SLC8A1: variants seen among roughly 807,000 people sequenced by gnomAD.
SLC8A1 encodes solute carrier family 8 member A1, also known as sodium/calcium exchanger 1.
SLC8A1 carries 18 observed loss-of-function variants against 68.3 expected under a neutral mutation model. The observed-to-expected ratio is 0.26, with a 90% CI of 0.18 to 0.39. SLC8A1 has a LOEUF of 0.39. SLC8A1 is among the 10% of genes least tolerant of loss of function. The pLI, the probability that SLC8A1 is intolerant of heterozygous loss-of-function variation, is 1.00. For synonymous variants in SLC8A1, 475 were observed against 415.5 expected (o/e 1.14, Z -1.74); for missense variants, 985 against 1,156.7 (o/e 0.85, Z 2.15).
chr2:40,306,014 T>C (rs767317069), intron 2 of SLC8A1, among the ~76,000 whole-genome samples: 29 of 152,318 alleles, frequency 1.9e-4, no homozygotes, highest in Non-Finnish European at 1.3e-4. Context: ...AGCAGCTGTT[T>C]CTTTTCCCTT....
chr2:40,487,749 G>T (rs1334382291), intron 1 of SLC8A1, among the ~76,000 whole-genome samples: 1 of 152,138 alleles, frequency 6.6e-6, no homozygotes, highest in African/African-American at 2.4e-5. Context: ...GAAGCCCATT[G>T]CGGAACCTGC....
intron 6 of SLC8A1, among the ~76,000 whole-genome samples, chr2:40,153,180 A>C (rs2043784628): frequency 6.6e-6 from 1 of 152,224 alleles, no homozygotes; most frequent in African/African-American, 2.4e-5. Flanking sequence ...TAGAACTCTA[A>C]ATTTCAAATA....
intron 1 of SLC8A1, among the ~76,000 whole-genome samples, chr2:40,479,507 TTCTC>T (rs1230784255): frequency 2.0e-5 from 3 of 152,180 alleles, no homozygotes; most frequent in Non-Finnish European, 2.9e-5. Flanking sequence ...GGATATTACT[TTCTC>T]TCTCAAGATA....
chr2:40,169,767 C>A (rs941197167), intron 4 of SLC8A1, among the ~76,000 whole-genome samples: 5 of 151,972 alleles, frequency 3.3e-5, no homozygotes, highest in African/African-American at 4.8e-5. Flanking sequence ...ATGGTGAGAC[C>A]CCGTCTCTAC....
intron 2 of SLC8A1, among the ~76,000 whole-genome samples, chr2:40,284,521 C>A (rs991053982): frequency 7.0e-6 from 1 of 143,032 alleles, no homozygotes; most frequent in Admixed American, 7.0e-5. Flanking sequence ...ATATAGACAA[C>A]AATATCTATA....
chr2:40,435,074 G>C (rs147715879), intron 1 of SLC8A1, among the ~76,000 whole-genome samples: 74 of 152,202 alleles, frequency 4.9e-4, no homozygotes, highest in African/African-American at 1.7e-3. Flanking sequence ...ATTCCTAACA[G>C]CCCAATATAT....
At chr2:40,271,155 G>C (rs908847794) in intron 2 of SLC8A1, among the ~76,000 whole-genome samples, 5 of 130,566 alleles carry the variant, frequency 3.8e-5, no homozygotes, top group Admixed American at 7.7e-5. Flanking sequence ...CTGTCACTTA[G>C]AACAAGACCC....
intron 2 of SLC8A1, among the ~76,000 whole-genome samples, chr2:40,218,290 T>A (rs1416421182): frequency 5.3e-5 from 8 of 152,198 alleles, no homozygotes; most frequent in Non-Finnish European, 1.2e-4. Context: ...GATAAACTCA[T>A]TACAAATTGC....
chr2:40,207,970 G>A (rs1004248110), intron 2 of SLC8A1, among the ~76,000 whole-genome samples: 2 of 151,956 alleles, frequency 1.3e-5, no homozygotes, highest in Admixed American at 1.3e-4. Flanking sequence ...GTAACCTTAG[G>A]GTCCGTGAAC....
intron 2 of SLC8A1, among the ~76,000 whole-genome samples, chr2:40,425,108 ATG>A (rs950177561): frequency 9.2e-5 from 14 of 151,838 alleles, no homozygotes; most frequent in African/African-American, 3.1e-4. Context: ...TTGGTTTAGT[ATG>A]TGTCATTGAT....
exon 8 of SLC8A1, chr2:40,104,238 C>G (rs1376613099): frequency 1.3e-5 from 2 of 152,090 alleles, no homozygotes; most frequent in Non-Finnish European, 2.9e-5. Flanking sequence ...AACCACATGC[C>G]TCAAAGTCCA....
chr2:40,449,160 A>C (rs1312474220), intron 1 of SLC8A1, among the ~76,000 whole-genome samples: 3 of 141,068 alleles, frequency 2.1e-5, no homozygotes, highest in African/African-American at 5.1e-5. Flanking sequence ...AAAAAAAAAA[A>C]CAAAAAACAA....
At position 40,428,459 on chromosome 2, in the gene SLC8A1, A is replaced by G; in HGVS notation, c.1808+14T>C. The G allele has an allele frequency of 6.4e-7, 1 of 1,554,752 alleles. No homozygotes were observed. Reference sequence around the variant, plus strand: ...CACACACACACACACACACATATATAATATAGAACTTACACAATTTCATCA... The same window carrying G: ...CACACACACACACACACACATATATGATATAGAACTTACACAATTTCATCA... On this transcript the variant is annotated intron_variant, in intron 2 of 7. Transcript: ENST00000406785.
At chr2:40,395,638 A>C (rs1686670607) in intron 2 of SLC8A1, among the ~76,000 whole-genome samples, 1 of 152,140 alleles carries the variant, frequency 6.6e-6, no homozygotes, top group Non-Finnish European at 1.5e-5. Context: ...TAAGAGAGGA[A>C]AGGTAGTGGA....
At chr2:40,152,938 C>CAAT (rs1553365125) in intron 6 of SLC8A1, among the ~76,000 whole-genome samples, 4 of 151,594 alleles carry the variant, frequency 2.6e-5, no homozygotes, top group Admixed American at 2.0e-4. Context: ...TGTGCCACTG[C>CAAT]AGTCCAGCCT....
At chr2:40,496,396 TG>T (rs1705702936) in intron 1 of SLC8A1, among the ~76,000 whole-genome samples, 1 of 152,104 alleles carries the variant, frequency 6.6e-6, no homozygotes, top group African/African-American at 2.4e-5. Context: ...CATGGCTGTA[TG>T]GCACGTATTT....
In SLC8A1 at chr2:40,408,603, G is replaced by T. The variant is rs59064313; in HGVS notation, c.1808+19870C>A. ...CTTTGGAAAAATAAGAGAGTAACAAGTAGGTGGCCCAACTGTGGGAATTGA... is the reference window on the plus strand; with the variant it reads ...CTTTGGAAAAATAAGAGAGTAACAATTAGGTGGCCCAACTGTGGGAATTGA... On this transcript the variant is annotated intron_variant, in intron 2 of 7. Transcript: ENST00000406785. 1.9e-3 allele frequency among the ~76,000 whole-genome samples: 286 copies of T among 152,304 alleles called. 2 individuals are homozygous for T. The highest frequency in any genetic ancestry group is 6.5e-3 in the African/African-American group (269 of 41,570).
chr2:40,263,562 A>G (rs1490386960), intron 2 of SLC8A1, among the ~76,000 whole-genome samples: 1 of 152,138 alleles, frequency 6.6e-6, no homozygotes, highest in Non-Finnish European at 1.5e-5. Flanking sequence ...ATCTACAACC[A>G]TCTGATCTTT....
chr2:40,465,181 T>C (rs115569615), intron 1 of SLC8A1, among the ~76,000 whole-genome samples: 3,375 of 152,278 alleles, frequency 0.022, 137 homozygotes, highest in Admixed American at 0.097. Flanking sequence ...TATGGATATT[T>C]ATTTGACTAG....
Sources: gnomAD v4.1 joint callset for allele counts (sites outside exome capture counted in the v4.1 genomes callset) on GRCh38, gnomAD v4.1.1 for gene constraint, MANE v1.5 for transcripts, NCBI Gene and HGNC (gene_info 2026-07-23, HGNC 2026-07-21) for gene names.